The following PDE4DIP variants were observed in gnomAD, a reference collection of about 807,000 sequenced individuals.
PDE4DIP encodes the protein myomegalin.
A neutral mutation model predicts 221.4 loss-of-function variants in PDE4DIP; 59 were observed. The observed-to-expected ratio is 0.27, with a 90% CI of 0.22 to 0.33. The LOEUF is 0.33. Ranked by LOEUF, PDE4DIP falls within the 10% of genes least tolerant of loss-of-function variation. The pLI, the probability that PDE4DIP is intolerant of heterozygous loss-of-function variation, is 1.00. For missense variants in PDE4DIP, 1,036 were observed against 2,154.2 expected (o/e 0.48, Z 10.28); for synonymous variants, 404 against 815.9 (o/e 0.50, Z 8.60).
intron 1 of PDE4DIP, among the ~76,000 whole-genome samples, chr1:148,859,664 A>G (rs1553398692): frequency 1.4e-5 from 2 of 147,628 alleles, no homozygotes; most frequent in African/African-American, 2.6e-5. Flanking sequence ...TTAGCTGAGC[A>G]TGAGTCATTC....
chr1:148,923,874 T>C (rs587641539), intron 1 of PDE4DIP, among the ~76,000 whole-genome samples: 2 of 147,460 alleles, frequency 1.4e-5, no homozygotes, highest in East Asian at 3.9e-4. Flanking sequence ...ATTTTATAAA[T>C]GAGGAAATTA....
At chr1:148,953,892 C>T (rs782575195) in intron 5 of PDE4DIP, 31 of 1,612,318 alleles carry the variant, frequency 1.9e-5, no homozygotes, top group Non-Finnish European at 2.4e-5. Flanking sequence ...GATTATTTGC[C>T]GCTCCGGGTC....
At position 148,930,623 on chromosome 1, in the gene PDE4DIP, A is replaced by G. The variant is rs1470236167; in HGVS notation, c.219-1177A>G. ...ATATCTGCTAAAAAAAAAAAAAAAT[A>G]CCTTGGAATACATCTAACCAAGGAG... On this transcript the variant is annotated intron_variant, in intron 2 of 43. Coordinates refer to ENST00000369354, the Ensembl canonical transcript of PDE4DIP. The G allele has an allele frequency of 1.3e-5, 2 of 150,564 alleles. 1 individual carries two copies. The highest frequency in any genetic ancestry group is 3.9e-4 in the East Asian group (2 of 5,152). 9.3% of individuals were successfully genotyped at this position (150,564 alleles called of 1,614,324 possible).
At chr1:149,004,630 G>A (rs1258511664) in intron 26 of PDE4DIP, among the ~76,000 whole-genome samples, 1 of 18,530 alleles carries the variant, frequency 5.4e-5, no homozygotes, top group African/African-American at 2.5e-4. Flanking sequence ...CCATGTGCTA[G>A]TTTGAGTGAT....
intron 20 of PDE4DIP, among the ~76,000 whole-genome samples, chr1:148,980,497 A>G (rs1375710597): frequency 1.3e-5 from 2 of 152,236 alleles, no homozygotes; most frequent in East Asian, 1.9e-4. Flanking sequence ...GGGACCACCA[A>G]TAGCTATCAT....
chr1:148,929,199 C>T (rs782525321), exon 2 of PDE4DIP: 3 of 1,613,666 alleles, frequency 1.9e-6, no homozygotes, highest in South Asian at 1.1e-5. Flanking sequence ...TTTTTCAGAA[C>T]ATTGAGCTGA....
intron 5 of PDE4DIP, chr1:148,952,058 T>C: frequency 9.9e-7 from 1 of 1,011,992 alleles, no homozygotes; most frequent in Middle Eastern, 4.8e-4. Flanking sequence ...TGTCCGAGAA[T>C]GCAGGGAGGG....
chr1:148,930,010 A>T (rs1183227195), intron 2 of PDE4DIP: 1 of 151,768 alleles, frequency 6.6e-6, no homozygotes, highest in African/African-American at 2.4e-5. Flanking sequence ...AGTGATATTT[A>T]TAGTATACTG....
Position 149,014,985 on chromosome 1 carries a change from C to T in PDE4DIP, c.5267-1314C>T, listed in dbSNP as rs587653621. 9.9e-5 allele frequency among the ~76,000 whole-genome samples: 15 copies of T among 151,048 alleles called. No individual in the cohort carries two copies. The South Asian group carries it at 1.0e-3, about 11-fold the overall frequency. On this transcript the variant is annotated intron_variant, in intron 32 of 43. Transcript: ENST00000369354. The stretch of plus-strand genomic sequence containing the variant: ...CTGATTTCTCCCTTTGCCTTGTGTT[C>T]GGATGGGGTTGAAGGCAGTTTGAAA...
At chr1:148,892,657 A>G (rs1330794783) in intron 1 of PDE4DIP, among the ~76,000 whole-genome samples, 1 of 119,618 alleles carries the variant, frequency 8.4e-6, no homozygotes, top group Non-Finnish European at 1.7e-5. Context: ...AAACTACTGT[A>G]TCCCCTCCTC....
intron 20 of PDE4DIP, 121 bp from the exon 24 acceptor site, chr1:148,981,149 G>A: frequency 1.2e-6 from 1 of 849,070 alleles, no homozygotes; most frequent in Non-Finnish European, 1.9e-6. Flanking sequence ...GTGTCCTGGA[G>A]AACAATTACT....
At chr1:149,031,101 CT>C (rs149112816) in intron 43 of PDE4DIP, 24 of 397,276 alleles carry the variant, frequency 6.0e-5, no homozygotes, top group South Asian at 2.2e-4. Context: ...TTAACTTGCT[CT>C]TTTTTTTATT....
chr1:148,981,171 T>G, intron 20 of PDE4DIP, 99 bp from the exon 24 acceptor site: 2 of 1,054,878 alleles, frequency 1.9e-6, no homozygotes, highest in South Asian at 2.7e-5. Flanking sequence ...TACAAAGTCG[T>G]GTGGCTCAAA....
chr1:148,953,590 GTGTGACTGT>G (rs1553496988), intron 5 of PDE4DIP: 2 of 1,607,944 alleles, frequency 1.2e-6, no homozygotes, highest in Non-Finnish European at 1.7e-6. Flanking sequence ...AACTTGGAAA[GTGTGACTGT>G]TGTTCAGATG....
At chr1:149,032,119 C>T (rs781797272) in exon 44 of PDE4DIP, 2 of 1,560,592 alleles carry the variant, frequency 1.3e-6, no homozygotes, top group East Asian at 4.6e-5. Context: ...CCTCCAAGTC[C>T]ACGGGAGGGT....
At chr1:148,959,367 G>A (rs1387934068) in intron 5 of PDE4DIP, among the ~76,000 whole-genome samples, 1 of 151,384 alleles carries the variant, frequency 6.6e-6, no homozygotes, top group East Asian at 1.9e-4. Flanking sequence ...AGGAATAGAA[G>A]AGATTTTTCT....
At chr1:149,028,892 TG>T (rs2075938340) in intron 41 of PDE4DIP, among the ~76,000 whole-genome samples, 189 bp downstream of exon 44, 2 of 152,168 alleles carry the variant, frequency 1.3e-5, no homozygotes, top group South Asian at 4.2e-4. Flanking sequence ...ATTACAGCTC[TG>T]AATATATCCC....
chr1:148,924,345 GA>G, intron 1 of PDE4DIP, among the ~76,000 whole-genome samples: 1 of 150,932 alleles, frequency 6.6e-6, no homozygotes, highest in African/African-American at 2.5e-5. Flanking sequence ...TAAAGCTGGA[GA>G]GGTAGATTGA....
chr1:149,013,240 A>T (rs1553607378), intron 32 of PDE4DIP, among the ~76,000 whole-genome samples: 4 of 151,272 alleles, frequency 2.6e-5, no homozygotes, highest in Admixed American at 1.3e-4. Flanking sequence ...ATTAGGTTGG[A>T]GCAAAAAGGG....
Sources: allele counts gnomAD v4.1 joint callset (sites outside exome capture counted in the v4.1 genomes callset), GRCh38; gene constraint gnomAD v4.1.1; transcripts MANE v1.5; gene names NCBI Gene and HGNC (gene_info 2026-07-23, HGNC 2026-07-21).